TMOD2: variants seen among roughly 807,000 people sequenced by gnomAD.
The protein encoded by TMOD2 is tropomodulin 2.
A neutral mutation model predicts 39.9 loss-of-function variants in TMOD2; 22 were observed. That is an observed-to-expected ratio of 0.55 (90% CI 0.39 to 0.79). TMOD2 has a LOEUF of 0.79. TMOD2 is among the 30% of genes least tolerant of loss of function. The pLI is 0.00. For synonymous variants in TMOD2, 123 were observed against 146.1 expected, an observed-to-expected ratio of 0.84 and a Z score of 1.14; for missense variants, 386 against 413.3, an observed-to-expected ratio of 0.93 and a Z score of 0.57.
intron 3 of TMOD2, among the ~76,000 whole-genome samples, chr15:51,772,822 A>G (rs1167457942): frequency 1.3e-5 from 2 of 152,230 alleles, no homozygotes; most frequent in East Asian, 3.9e-4. Context: ...GCTCCAGGGG[A>G]TCACCAGTTT....
intron 1 of TMOD2, among the ~76,000 whole-genome samples, chr15:51,760,689 G>A (rs539879214): frequency 2.0e-5 from 3 of 152,072 alleles, no homozygotes; most frequent in South Asian, 2.1e-4. Flanking sequence ...GCCTGTAATC[G>A]CAGCTACTCT....
chr15:51,795,614 C>CTTTCT (rs1555462819), intron 7 of TMOD2, among the ~76,000 whole-genome samples: 5 of 105,654 alleles, frequency 4.7e-5, no homozygotes, highest in African/African-American at 1.7e-4. Context: ...TTCTTTCTTT[C>CTTTCT]TTTCTTTCTT....
intron 1 of TMOD2, among the ~76,000 whole-genome samples, chr15:51,752,243 G>T (rs1388712564): frequency 6.6e-6 from 1 of 152,132 alleles, no homozygotes; most frequent in East Asian, 1.9e-4. Context: ...GCCTCGTGCG[G>T]ATCCTCGAGA....
chr15:51,807,946 G>A (rs964618873), intron 9 of TMOD2, among the ~76,000 whole-genome samples: 2 of 152,194 alleles, frequency 1.3e-5, no homozygotes, highest in Non-Finnish European at 2.9e-5. Context: ...ACACCTTCCT[G>A]TAGGTTGATA....
chr15:51,801,451 C>T (rs1038407533), intron 8 of TMOD2, among the ~76,000 whole-genome samples: 1 of 152,134 alleles, frequency 6.6e-6, no homozygotes, highest in Non-Finnish European at 1.5e-5. Context: ...CCTCAGTTTC[C>T]TTATCTATCT....
intron 3 of TMOD2, among the ~76,000 whole-genome samples, chr15:51,769,160 G>C (rs763646811): frequency 2.0e-5 from 3 of 152,222 alleles, no homozygotes; most frequent in African/African-American, 7.2e-5. Context: ...ATGGTGTGAT[G>C]GTTCTCAAAT....
chr15:51,767,492 G>A (rs920482971), intron 2 of TMOD2, among the ~76,000 whole-genome samples: 6 of 151,986 alleles, frequency 3.9e-5, no homozygotes, highest in African/African-American at 1.5e-4. Context: ...AAGCTAAGTC[G>A]CTTGTTATAT....
chr15:51,764,780 A>G (rs888792963), intron 1 of TMOD2, among the ~76,000 whole-genome samples: 2 of 152,026 alleles, frequency 1.3e-5, no homozygotes, highest in Non-Finnish European at 2.9e-5. Flanking sequence ...CTTTTCCTAG[A>G]ATGACACTTG....
At position 51,809,647 on chromosome 15, in the gene TMOD2, C is replaced by G. The variant is rs2056143444; in HGVS notation, c.*1193C>G. Reference sequence around the variant, plus strand: ...GTGACTGCAGCCTTTGGCTCAAGCTCACAACTCTGATAACTGTCAGTGCCT... The same window carrying G: ...GTGACTGCAGCCTTTGGCTCAAGCTGACAACTCTGATAACTGTCAGTGCCT... On this transcript the variant is annotated 3_prime_UTR_variant, in exon 10 of 10. Transcript: ENST00000249700. 6.6e-6 allele frequency: 1 copy of G among 152,210 alleles called. No homozygotes were observed. The highest frequency in any genetic ancestry group is 2.4e-5 in the African/African-American group (1 of 41,460). The allele number at this position is 152,210 out of a possible 1,614,324, so 9.4% of individuals were successfully genotyped here. A position where few individuals can be genotyped will look rare whatever the true frequency, so the allele number is the denominator to read the frequency against.
At chr15:51,781,332 A>C (rs1165199417) in intron 6 of TMOD2, among the ~76,000 whole-genome samples, 158 bp downstream of exon 6, 1 of 152,240 alleles carries the variant, frequency 6.6e-6, no homozygotes, top group Non-Finnish European at 1.5e-5. Context: ...GTTTTGGAAA[A>C]CAGTGATTTC....
At chr15:51,775,279 T>A (rs1323014514) in intron 4 of TMOD2, among the ~76,000 whole-genome samples, 2 of 152,160 alleles carry the variant, frequency 1.3e-5, no homozygotes, top group Non-Finnish European at 2.9e-5. Context: ...AGAGTCTAGT[T>A]CCCAGCCCTA....
intron 8 of TMOD2, among the ~76,000 whole-genome samples, chr15:51,801,237 TCACACACACACACACACACACACACACA>T (rs546562505): frequency 9.8e-6 from 1 of 102,106 alleles, no homozygotes; most frequent in Admixed American, 1.1e-4. Context: ...TCTCTCTCTC[TCACACACACACACACACACACACACACA>T]CACACACACA....
Position 51,775,262 on chromosome 15 carries a change from A to C in TMOD2, c.406+1428A>C, listed in dbSNP as rs189426736. 2.0e-5 allele frequency among the ~76,000 whole-genome samples: 3 copies of C among 152,200 alleles called. No homozygotes were observed. In the South Asian group the frequency reaches 6.2e-4, roughly 32 times the overall value. On this transcript the variant is annotated intron_variant, in intron 4 of 9. Transcript: ENST00000249700. ...ACACTGGCTGGGTGTCAGTGTGGTC[A>C]CCATCCAGAGTCTAGTTCCCAGCCC...
chr15:51,791,619 C>T (rs147159427), intron 7 of TMOD2, among the ~76,000 whole-genome samples: 21 of 152,308 alleles, frequency 1.4e-4, no homozygotes, highest in African/African-American at 4.3e-4. Context: ...TATAAGGCTA[C>T]AGTAACCAAA....
intron 9 of TMOD2, 103 bp downstream of exon 9, chr15:51,806,624 G>C: frequency 7.5e-7 from 1 of 1,330,590 alleles, no homozygotes; most frequent in Non-Finnish European, 1.1e-6. Flanking sequence ...ACTGGCCTCT[G>C]ATGTCACTCA....
At chr15:51,768,160 C>T in intron 2 of TMOD2, 102 bp from the exon 3 acceptor site, 1 of 1,384,362 alleles carries the variant, frequency 7.2e-7, no homozygotes. Context: ...CGTAGGTATC[C>T]TTCCTGCTTC....
intron 2 of TMOD2, 109 bp from the exon 3 acceptor site, chr15:51,768,153 A>G: frequency 7.8e-7 from 1 of 1,275,480 alleles, no homozygotes; most frequent in South Asian, 1.3e-5. Flanking sequence ...CATTCTGCGT[A>G]GGTATCCTTC....
chr15:51,775,797 C>A (rs1477254562), intron 4 of TMOD2, among the ~76,000 whole-genome samples: 1 of 151,866 alleles, frequency 6.6e-6, no homozygotes, highest in African/African-American at 2.4e-5. Flanking sequence ...AGGATGGTCT[C>A]GATTTCTTGA....
At chr15:51,800,306 G>A (rs765656916) in intron 8 of TMOD2, among the ~76,000 whole-genome samples, 25 of 152,126 alleles carry the variant, frequency 1.6e-4, no homozygotes, top group Non-Finnish European at 2.4e-4. Context: ...AGGCCGAGGC[G>A]AGCAGATCAC....
Sources: gnomAD v4.1 joint callset for allele counts (sites outside exome capture counted in the v4.1 genomes callset) on GRCh38, gnomAD v4.1.1 for gene constraint, MANE v1.5 for transcripts, NCBI Gene and HGNC (gene_info 2026-07-23, HGNC 2026-07-21) for gene names.